Variants in FBXO10 observed in about 807,000 individuals in gnomAD.
The protein encoded by FBXO10 is F-box protein 10, also known as F-box only protein 10.
FBXO10 carries 39 observed loss-of-function variants against 80.7 expected under a neutral mutation model. That is an observed-to-expected ratio of 0.48 (90% CI 0.37 to 0.63). The LOEUF (loss-of-function observed/expected upper bound fraction) is 0.63. FBXO10 is among the 30% of genes least tolerant of loss of function. FBXO10 has a pLI of 0.00. For synonymous variants in FBXO10, 449 were observed against 489.6 expected (o/e 0.92, Z 1.09); for missense variants, 1,025 against 1,269.0 (o/e 0.81, Z 2.92).
chr9:37,530,284 TCTTA>T (rs1821585802), intron 4 of FBXO10, among the ~76,000 whole-genome samples: 1 of 152,218 alleles, frequency 6.6e-6, no homozygotes, highest in South Asian at 2.1e-4. Context: ...CTCTCCTTAT[TCTTA>T]CTCTTTCCAG....
chr9:37,523,554 A>G (rs989305875), intron 6 of FBXO10, among the ~76,000 whole-genome samples: 2 of 152,122 alleles, frequency 1.3e-5, no homozygotes, highest in Non-Finnish European at 2.9e-5. Context: ...CCCTGCCTCA[A>G]AAAAAAGAAT....
intron 8 of FBXO10, among the ~76,000 whole-genome samples, chr9:37,518,949 G>A (rs1050704843): frequency 1.2e-4 from 17 of 147,232 alleles, no homozygotes; most frequent in Non-Finnish European, 5.9e-5. Context: ...TCGCTCTGTC[G>A]CCCAGGTTGG....
intron 8 of FBXO10, among the ~76,000 whole-genome samples, chr9:37,519,189 G>C (rs919611342): frequency 2.4e-4 from 36 of 152,354 alleles, no homozygotes; most frequent in African/African-American, 7.2e-4. Context: ...GATTACAGGC[G>C]TGAGCCACCA....
chr9:37,554,404 A>G (rs776105471), intron 1 of FBXO10, among the ~76,000 whole-genome samples: 1 of 152,182 alleles, frequency 6.6e-6, no homozygotes, highest in Non-Finnish European at 1.5e-5. Flanking sequence ...GTGCATCAAT[A>G]GTTTGTTTAT....
In FBXO10 at chr9:37,541,637, G is replaced by C. The variant is rs1201848272; in HGVS notation, c.132C>G (p.Arg44=). ...TGCAACCCAGACACAGCTGCCGCCA[G>C]CGGGTGCTGTCGAGACTGAGGATCA... The part of the protein sequence containing the change: ...YELILSLDST[R]WRQLCLGCTE... The change falls in exon 2 of 11, where the codon CGC becomes CGG. Residue 44 remains arginine (R), a synonymous_variant. Transcript: ENST00000432825. 2.5e-6 allele frequency: 4 copies of C among 1,613,846 alleles called. No individual in the cohort carries two copies. Among genetic ancestry groups the C allele is most frequent in the Non-Finnish European group, 3.4e-6 (4 of 1,179,878 alleles).
At chr9:37,556,698 C>A (rs1822345614) in intron 1 of FBXO10, among the ~76,000 whole-genome samples, 1 of 152,014 alleles carries the variant, frequency 6.6e-6, no homozygotes, top group Admixed American at 6.6e-5. Flanking sequence ...TGTGTGCCGC[C>A]ACGCCCGGCT....
At chr9:37,527,712 C>A (rs917053649) in intron 5 of FBXO10, among the ~76,000 whole-genome samples, 1 of 152,134 alleles carries the variant, frequency 6.6e-6, no homozygotes, top group African/African-American at 2.4e-5. Context: ...ATGGGGCAGG[C>A]AGGGACTGTT....
intron 5 of FBXO10, among the ~76,000 whole-genome samples, chr9:37,525,373 C>G (rs986856154): frequency 6.6e-6 from 1 of 152,112 alleles, no homozygotes; most frequent in Non-Finnish European, 1.5e-5. Flanking sequence ...TGGCTCAAGT[C>G]CACAGGGGCA....
At chr9:37,515,856 G>A in intron 10 of FBXO10, 48 bp downstream of exon 10, 1 of 1,577,938 alleles carries the variant, frequency 6.3e-7, no homozygotes, top group South Asian at 1.2e-5. Flanking sequence ...TCTTCAGGGA[G>A]CTTACTGTGG....
intron 1 of FBXO10, among the ~76,000 whole-genome samples, chr9:37,545,498 A>T (rs1240940812): frequency 2.0e-5 from 3 of 152,086 alleles, no homozygotes; most frequent in African/African-American, 7.2e-5. Flanking sequence ...TTAAGAGAAA[A>T]TTGTTCTTCT....
chr9:37,523,149 T>C (rs1821383614), intron 6 of FBXO10, among the ~76,000 whole-genome samples, 172 bp from the exon 7 acceptor site: 1 of 152,212 alleles, frequency 6.6e-6, no homozygotes, highest in Non-Finnish European at 1.5e-5. Context: ...CAGGGACTTA[T>C]CTGCTGACTC....
chr9:37,530,691 T>C (rs10973399), intron 4 of FBXO10, among the ~76,000 whole-genome samples: 33,433 of 152,008 alleles, frequency 0.22, 5,982 homozygotes, highest in African/African-American at 0.5. Flanking sequence ...TCATGGCTCA[T>C]GACCATGCCA....
chr9:37,549,447 T>C (rs914698933), intron 1 of FBXO10, among the ~76,000 whole-genome samples: 4 of 152,226 alleles, frequency 2.6e-5, no homozygotes, highest in Non-Finnish European at 4.4e-5. Flanking sequence ...AAAGCCTCTC[T>C]GTGTCCCCCA....
rs369393172 is a variant in FBXO10, at chr9:37,512,653, G to A, written c.2765C>T (p.Ser922Leu). 6.6e-5 allele frequency: 107 copies of A among 1,613,848 alleles called. No homozygotes were observed. The Admixed American group carries it at 1.8e-3, about 26-fold the overall frequency. ...PHLENSLRRP[S>L]AAHNGQKVTA... The stretch of plus-strand genomic sequence containing the variant: ...CACCTTCTGCCCATTGTGGGCTGCC[G>A]AGGGACGTCTGAGAGAATTTTCAAG... The change falls in exon 11 of 11, where the codon TCG (serine) becomes TTG (leucine). Residue 922 changes from serine to leucine, a missense_variant. Physicochemically the swap from Ser to Leu is moderately radical, Grantham distance 145. Coordinates refer to ENST00000432825, the MANE Select transcript of FBXO10 (RefSeq NM_012166.3).
At chr9:37,529,422 G>A (rs941792499) in intron 4 of FBXO10, among the ~76,000 whole-genome samples, 162 bp from the exon 5 acceptor site, 5 of 152,148 alleles carry the variant, frequency 3.3e-5, no homozygotes, top group Non-Finnish European at 5.9e-5. Context: ...TCACACTGCC[G>A]CCCTGCCCTT....
At chr9:37,536,944 T>C (rs1338164678) in intron 3 of FBXO10, among the ~76,000 whole-genome samples, 166 bp downstream of exon 3, 1 of 152,150 alleles carries the variant, frequency 6.6e-6, no homozygotes, top group African/African-American at 2.4e-5. Flanking sequence ...TTCTGGGAAA[T>C]GAGAAAAAGC....
intron 1 of FBXO10, among the ~76,000 whole-genome samples, chr9:37,557,042 A>T (rs1822353976): frequency 6.6e-6 from 1 of 152,216 alleles, no homozygotes; most frequent in Non-Finnish European, 1.5e-5. Flanking sequence ...TCAGGGCAAC[A>T]GAAAAGACAA....
At chr9:37,564,079 A>G (rs1470514579) in intron 1 of FBXO10, among the ~76,000 whole-genome samples, 1 of 152,166 alleles carries the variant, frequency 6.6e-6, no homozygotes, top group East Asian at 1.9e-4. Context: ...GGGACATGGT[A>G]CCCTGCATCC....
Position 37,547,112 on chromosome 9 carries a change from C to G in FBXO10, c.-6-5338G>C, listed in dbSNP as rs1046099872. 3.7e-4 allele frequency among the ~76,000 whole-genome samples: 56 copies of G among 152,288 alleles called. 1 individual carries two copies. Among genetic ancestry groups the G allele is most frequent in the African/African-American group, 1.3e-3 (56 of 41,546 alleles). Reference sequence around the variant, plus strand: ...ATAGGTGTTTACAAAAAGACTTACACAAGAATGTTTACAGCAGCTGTATTC... The same window carrying G: ...ATAGGTGTTTACAAAAAGACTTACAGAAGAATGTTTACAGCAGCTGTATTC... On this transcript the variant is annotated intron_variant, in intron 1 of 10. Coordinates refer to ENST00000432825, the MANE Select transcript of FBXO10 (RefSeq NM_012166.3).
Sources: gnomAD v4.1 joint callset for allele counts (sites outside exome capture counted in the v4.1 genomes callset) on GRCh38, gnomAD v4.1.1 for gene constraint, MANE v1.5 for transcripts, NCBI Gene and HGNC (gene_info 2026-07-23, HGNC 2026-07-21) for gene names.